ANO4: variants seen among roughly 807,000 people sequenced by gnomAD.
ANO4 encodes the protein anoctamin 4.
ANO4 carries 69 observed loss-of-function variants against 141.9 expected under a neutral mutation model. The observed-to-expected ratio is 0.49, with a 90% CI of 0.40 to 0.59. ANO4 has a LOEUF of 0.59. Among genes scored for constraint, ANO4 ranks in the 20% least tolerant of loss-of-function variants. The pLI is 0.00. For missense variants in ANO4, 894 were observed against 1,162.2 expected (o/e 0.77, Z 3.36); for synonymous variants, 350 against 394.3 (o/e 0.89, Z 1.33).
At chr12:100,971,512 T>C (rs1203243548) in intron 6 of ANO4, 106 bp downstream of exon 6, 2 of 716,050 alleles carry the variant, frequency 2.8e-6, no homozygotes, top group Non-Finnish European at 4.5e-6. Flanking sequence ...GGAAGGCCAT[T>C]AGAGGAGGGA....
intron 1 of ANO4, among the ~76,000 whole-genome samples, chr12:100,858,164 C>T (rs1157418019): frequency 1.3e-5 from 2 of 151,634 alleles, no homozygotes; most frequent in Admixed American, 1.3e-4. Flanking sequence ...TAGCTGATTT[C>T]ATCACTGTGG....
chr12:100,835,672 C>G (rs1353841589), intron 1 of ANO4, among the ~76,000 whole-genome samples: 1 of 152,002 alleles, frequency 6.6e-6, no homozygotes, highest in Non-Finnish European at 1.5e-5. Context: ...CGGTTTTGTG[C>G]TTGTCTTTAT....
At chr12:100,744,929 T>C (rs2032036516) in intron 3 of ANO4, among the ~76,000 whole-genome samples, 2 of 152,012 alleles carry the variant, frequency 1.3e-5, no homozygotes, top group South Asian at 4.1e-4. Context: ...CCCCTCACTT[T>C]CTGTCTCTCC....
rs557147636 is a variant in ANO4, at chr12:100,838,455, T to C, written c.-141+43428T>C. Among the ~76,000 whole-genome samples, 298 of 152,182 alleles carry C rather than the reference T, an allele frequency of 2.0e-3. 1 individual carries two copies. The highest frequency in any genetic ancestry group is 6.7e-3 in the African/African-American group (278 of 41,528). On this transcript the variant is annotated intron_variant, in intron 1 of 27. Transcript: ENST00000392977. ...AACCAAAATATACTCACTATCAGCA[T>C]AGCAGGAATACAGAATAAGAAGTCC...
intron 3 of ANO4, among the ~76,000 whole-genome samples, chr12:100,777,338 C>T (rs1003960571): frequency 3.0e-5 from 4 of 131,396 alleles, no homozygotes; most frequent in Non-Finnish European, 4.6e-5. Context: ...GGGCTGGTCT[C>T]GAGCTCCGGA....
At chr12:101,117,179 C>T (rs1325686386) in intron 25 of ANO4, among the ~76,000 whole-genome samples, 1 of 152,162 alleles carries the variant, frequency 6.6e-6, no homozygotes, top group Admixed American at 6.5e-5. Context: ...TCTCTCTTGC[C>T]CAGAGTATAT....
chr12:100,792,240 A>G (rs1336132487), upstream of ANO4, among the ~76,000 whole-genome samples: 1 of 152,196 alleles, frequency 6.6e-6, no homozygotes, highest in Non-Finnish European at 1.5e-5. Flanking sequence ...CTTCTGTGAA[A>G]CAAAGTTCCT....
At chr12:101,010,840 C>A (rs1466530550) in intron 8 of ANO4, among the ~76,000 whole-genome samples, 2 of 152,206 alleles carry the variant, frequency 1.3e-5, no homozygotes, top group Non-Finnish European at 2.9e-5. Flanking sequence ...TCTATTGCTA[C>A]ATAACAATCT....
intron 1 of ANO4, among the ~76,000 whole-genome samples, chr12:100,814,910 AG>A (rs1331878962): frequency 3.9e-5 from 6 of 152,128 alleles, no homozygotes; most frequent in African/African-American, 1.4e-4. Flanking sequence ...GCTGCCGCTA[AG>A]AACAAAGTGG....
intron 7 of ANO4, among the ~76,000 whole-genome samples, chr12:100,985,049 C>T (rs1419952073): frequency 6.6e-6 from 1 of 152,164 alleles, no homozygotes. Context: ...CTGATTAGTC[C>T]TGCAGACTGG....
At chr12:100,916,331 C>T (rs975723637) in intron 2 of ANO4, among the ~76,000 whole-genome samples, 1 of 152,012 alleles carries the variant, frequency 6.6e-6, no homozygotes, top group Admixed American at 6.6e-5. Context: ...TCACAGTAAT[C>T]TACTGATAAC....
chr12:101,098,289 T>A (rs1172247385), intron 21 of ANO4, among the ~76,000 whole-genome samples: 1 of 152,200 alleles, frequency 6.6e-6, no homozygotes, highest in East Asian at 1.9e-4. Context: ...TAACTACATC[T>A]CCACTCTCCC....
chr12:100,789,173 A>G (rs1270664822), intron 3 of ANO4, among the ~76,000 whole-genome samples: 1 of 152,168 alleles, frequency 6.6e-6, no homozygotes, highest in Non-Finnish European at 1.5e-5. Flanking sequence ...ACCCCATCTC[A>G]TGCTACATAG....
At chr12:100,855,444 A>T (rs183098405) in intron 1 of ANO4, among the ~76,000 whole-genome samples, 1 of 152,130 alleles carries the variant, frequency 6.6e-6, no homozygotes, top group African/African-American at 2.4e-5. Context: ...TGTTGTTACA[A>T]TCATGCCATA....
intron 1 of ANO4, among the ~76,000 whole-genome samples, chr12:100,806,819 GGT>G (rs1476904827): frequency 6.6e-6 from 1 of 151,804 alleles, no homozygotes; most frequent in Non-Finnish European, 1.5e-5. Flanking sequence ...TGGGATTACA[GGT>G]GTAAGCCACT....
At chr12:100,961,807 A>G (rs1167832826) in intron 5 of ANO4, among the ~76,000 whole-genome samples, 1 of 152,216 alleles carries the variant, frequency 6.6e-6, no homozygotes, top group East Asian at 1.9e-4. Context: ...TAATGGCCCC[A>G]GTTGCCTACT....
intron 9 of ANO4, among the ~76,000 whole-genome samples, chr12:101,031,999 C>G (rs2046994586): frequency 6.6e-6 from 1 of 152,160 alleles, no homozygotes; most frequent in South Asian, 2.1e-4. Context: ...TAAAAATGTT[C>G]ATACTGCCCA....
At chr12:101,017,741 T>G (rs974907092) in intron 8 of ANO4, among the ~76,000 whole-genome samples, 20 of 152,202 alleles carry the variant, frequency 1.3e-4, no homozygotes, top group African/African-American at 4.6e-4. Context: ...TTAACCTCTC[T>G]GATTCTTCAC....
At position 100,995,801 on chromosome 12, in the gene ANO4, A is replaced by G. The variant is rs147449733; in HGVS notation, c.734+8131A>G. Among the ~76,000 whole-genome samples the G allele has an allele frequency of 1.4e-3, 211 of 152,348 alleles. 1 individual carries two copies. Among genetic ancestry groups the G allele is most frequent in the African/African-American group, 4.8e-3 (198 of 41,582 alleles). On this transcript the variant is annotated intron_variant, in intron 8 of 27. Coordinates refer to ENST00000392977, the MANE Select transcript of ANO4 (RefSeq NM_001286615.2). ...CTACTAGACCGTGAGCTACCTGAGG[A>G]CAGGAGCTATGTGCCTGGGAGCAAG...
Sources: gnomAD v4.1 joint callset for allele counts (sites outside exome capture counted in the v4.1 genomes callset) on GRCh38, gnomAD v4.1.1 for gene constraint, MANE v1.5 for transcripts, NCBI Gene and HGNC (gene_info 2026-07-23, HGNC 2026-07-21) for gene names.